Variants in MDN1 observed in about 807,000 individuals in gnomAD.
MDN1 encodes midasin AAA ATPase 1.
A neutral mutation model predicts 669.2 loss-of-function variants in MDN1; 266 were observed. The ratio of observed to expected loss-of-function variants is 0.40; its 90% CI spans 0.36 to 0.44. The LOEUF (loss-of-function observed/expected upper bound fraction) is 0.44, where lower values mean the gene tolerates loss of function less well. Among genes scored for constraint, MDN1 ranks in the 20% least tolerant of loss-of-function variants. The pLI is 1.00. For synonymous variants in MDN1, 2,385 were observed against 2,457.1 expected, an observed-to-expected ratio of 0.97 and a Z score of 0.87; for missense variants, 5,940 against 6,754.0, an observed-to-expected ratio of 0.88 and a Z score of 4.22.
chr6:89,800,988 T>C (rs1030285576), intron 2 of MDN1, among the ~76,000 whole-genome samples: 2 of 152,252 alleles, frequency 1.3e-5, no homozygotes, highest in African/African-American at 2.4e-5. Context: ...ACTGTTTTTT[T>C]CTTCTTTACT....
chr6:89,712,900 T>C, intron 47 of MDN1, 114 bp from the exon 48 acceptor site: 1 of 946,140 alleles, frequency 1.1e-6, no homozygotes, highest in Non-Finnish European at 1.6e-6. Flanking sequence ...TTTAATACAC[T>C]CTTCAATGAA....
At chr6:89,699,797 T>G in intron 57 of MDN1, 70 bp from the exon 58 acceptor site, 1 of 1,504,822 alleles carries the variant, frequency 6.6e-7, no homozygotes, top group Non-Finnish European at 9.1e-7. Context: ...GCTGCTACAT[T>G]AGGGAAGGTG....
intron 9 of MDN1, among the ~76,000 whole-genome samples, chr6:89,782,946 C>T (rs928059164): frequency 2.0e-5 from 3 of 152,184 alleles, no homozygotes; most frequent in South Asian, 4.1e-4. Context: ...TCTTTAATCT[C>T]TTAATCCTGT....
intron 31 of MDN1, among the ~76,000 whole-genome samples, chr6:89,740,817 A>G (rs1816253430): frequency 6.6e-6 from 1 of 152,248 alleles, no homozygotes; most frequent in African/African-American, 2.4e-5. Flanking sequence ...ATGCAAAGTA[A>G]GAGAAGAGAA....
intron 95 of MDN1, 84 bp from the exon 96 acceptor site, chr6:89,650,931 T>C (rs568361969): frequency 2.0e-6 from 2 of 1,011,996 alleles, no homozygotes; most frequent in Non-Finnish European, 1.5e-6. Context: ...TTAAGCAAAG[T>C]GGTAGAAAAT....
chr6:89,677,467 G>T, intron 76 of MDN1, 103 bp downstream of exon 76: 1 of 1,419,328 alleles, frequency 7.0e-7, no homozygotes, highest in East Asian at 2.4e-5. Context: ...AGCCACAGTG[G>T]TATTGCTATC....
chr6:89,745,550 G>A lies in MDN1; in HGVS notation c.3981C>T (p.Phe1327=). ...GAGATTGAGGACACAATTTTTTCTT[G>A]AAATGTTTCTCAAGGACTTCTTGAA... ...DVIQEVLEKH[F]KKKLCPQSLF... is the part of the protein sequence containing the mutation. Residue 1327 remains phenylalanine, a synonymous_variant, in exon 28 of 102, where the codon TTC becomes TTT. Transcript: ENST00000369393. The A allele has an allele frequency of 6.2e-7, 1 of 1,613,988 alleles. No individual in the cohort carries two copies. The highest frequency in any genetic ancestry group is 8.5e-7 in the Non-Finnish European group (1 of 1,179,976).
chr6:89,687,546 A>G (rs1812100431), intron 67 of MDN1, 108 bp from the exon 68 acceptor site: 1 of 826,136 alleles, frequency 1.2e-6, no homozygotes, highest in African/African-American at 1.7e-5. Flanking sequence ...CTGGGCCCTT[A>G]AACAACTTGC....
rs752209435 is a variant in MDN1, at chr6:89,680,703, C to G, written c.12151G>C (p.Gly4051Arg). The G allele has an allele frequency of 9.3e-6, 15 of 1,614,036 alleles. No individual in the cohort carries two copies. The African/African-American group carries it at 1.7e-4, about 19-fold the overall frequency. The stretch of plus-strand genomic sequence containing the variant: ...TTTGGCAAGCGACGCAGAAGCTCCC[C>G]TTCCAAGCCGGAAGGAGCAGCGCCC... ...CQGAAPSGLE[G>R]ELLRRLPKLR... Residue 4051 changes from glycine (G) to arginine (R), a missense_variant, in exon 74 of 102, where the codon GGG becomes CGG. Physicochemically the swap from Gly to Arg is moderately radical, Grantham distance 125 (BLOSUM62 -2). Transcript: ENST00000369393.
intron 2 of MDN1, among the ~76,000 whole-genome samples, chr6:89,801,851 A>T (rs1767687916): frequency 6.6e-6 from 1 of 151,446 alleles, no homozygotes; most frequent in Non-Finnish European, 1.5e-5. Context: ...AGTCCCAGCT[A>T]CTCAGGAGGC....
In MDN1 at chr6:89,696,494, C is replaced by A. The variant is rs1812747657; in HGVS notation, c.9249G>T (p.Trp3083Cys). ...AAAGAATGGGGAGGCCACTCACATC[C>A]CAGGGACTTGCTCTCCAGCTGCTGG... Reference protein sequence around the residue: ...VLTSSWRASPWDVSGLPILSS... With the variant: ...VLTSSWRASPCDVSGLPILSS... The change falls in exon 60 of 102, where the codon TGG (tryptophan) becomes TGT (cysteine). Residue 3083 changes from tryptophan to cysteine, a missense_variant. By Grantham distance (215) the Trp-to-Cys change is radical. This residue lies in a region of MDN1 where 2,292 missense variants were observed against 2,638.3 expected (regional missense o/e 0.87). Transcript: ENST00000369393. The A allele has an allele frequency of 6.2e-7, 1 of 1,614,070 alleles. No individual in the cohort carries two copies. The highest frequency in any genetic ancestry group is 1.3e-5 in the African/African-American group (1 of 74,930).
At chr6:89,654,998 G>T (rs1290931048) in intron 92 of MDN1, among the ~76,000 whole-genome samples, 1 of 152,192 alleles carries the variant, frequency 6.6e-6, no homozygotes. Flanking sequence ...ACAACAGAGA[G>T]ACTCTAGCTC....
chr6:89,754,758 T>C (rs1367028997), intron 20 of MDN1, among the ~76,000 whole-genome samples: 1 of 152,156 alleles, frequency 6.6e-6, no homozygotes, highest in Non-Finnish European at 1.5e-5. Flanking sequence ...GACTGAAACA[T>C]GAAGGTCTTG....
intron 33 of MDN1, among the ~76,000 whole-genome samples, chr6:89,734,022 T>C (rs926386707): frequency 7.9e-5 from 12 of 152,230 alleles, no homozygotes; most frequent in African/African-American, 2.9e-4. Context: ...CGGTGGCTCA[T>C]GCCTGTAATA....
Position 89,674,253 on chromosome 6 carries a change from C to A in MDN1, c.13098G>T (p.Gln4366His), listed in dbSNP as rs1244815149. The A allele has an allele frequency of 3.7e-6, 6 of 1,614,126 alleles. No individual in the cohort carries two copies. The highest frequency in any genetic ancestry group is 5.1e-6 in the Non-Finnish European group (6 of 1,180,056). The change falls in exon 79 of 102, where the codon CAG (glutamine) becomes CAT (histidine). Residue 4366 changes from glutamine (Q) to histidine (H), a missense_variant. Physicochemically the swap from Gln to His is conservative, Grantham distance 24. This residue lies in a region of MDN1 where 2,280 missense variants were observed against 2,576.3 expected (regional missense o/e 0.88). Transcript: ENST00000369393. ...LSYPSPIPGSQLPSGCRMRKQ... is the reference protein window; with the variant it reads ...LSYPSPIPGSHLPSGCRMRKQ... ...TCCGCATCCGGCAACCAGAGGGCAG[C>A]TGACTTCCAGGTATTGGAGATGGGT...
At chr6:89,758,088 C>T (rs1817342506) in intron 19 of MDN1, among the ~76,000 whole-genome samples, 167 bp downstream of exon 19, 1 of 151,914 alleles carries the variant, frequency 6.6e-6, no homozygotes, top group African/African-American at 2.4e-5. Flanking sequence ...GTGGCATGCA[C>T]CCATAATCCC....
At chr6:89,716,939 T>G in intron 43 of MDN1, 130 bp from the exon 44 acceptor site, 1 of 1,035,034 alleles carries the variant, frequency 9.7e-7, no homozygotes, top group South Asian at 1.9e-5. Context: ...AATAGAAGAA[T>G]GTTTTGCTTC....
At chr6:89,746,718 T>C (rs982455627) in intron 27 of MDN1, among the ~76,000 whole-genome samples, 36 of 152,156 alleles carry the variant, frequency 2.4e-4, no homozygotes, top group Non-Finnish European at 8.8e-5. Flanking sequence ...TCTCTTGTAC[T>C]AGTTTTACAT....
intron 2 of MDN1, among the ~76,000 whole-genome samples, 170 bp downstream of exon 2, chr6:89,803,158 T>A (rs1767774207): frequency 6.6e-6 from 1 of 152,224 alleles, no homozygotes; most frequent in African/African-American, 2.4e-5. Flanking sequence ...CTCACTGAAC[T>A]GAGCTGGATA....
Sources: gnomAD v4.1 joint callset for allele counts (sites outside exome capture counted in the v4.1 genomes callset) on GRCh38, gnomAD v4.1.1 for gene constraint, gnomAD v4.1.1 regional missense constraint, MANE v1.5 for transcripts, NCBI Gene and HGNC (gene_info 2026-07-23, HGNC 2026-07-21) for gene names.